PEX5: variants seen among roughly 807,000 people sequenced by gnomAD.
The protein encoded by PEX5 is PTS1 receptor.
In PEX5, 52 loss-of-function variants were observed where a neutral mutation model predicts 82.9. That is an observed-to-expected ratio of 0.63 (90% CI 0.50 to 0.79). PEX5 has a LOEUF of 0.79. Ranked by LOEUF, PEX5 falls within the 30% of genes least tolerant of loss-of-function variation. The pLI is 0.00. For missense variants in PEX5, 719 were observed against 815.2 expected (o/e 0.88, Z 1.44); for synonymous variants, 300 against 318.8 (o/e 0.94, Z 0.63).
Position 7,190,996 on chromosome 12 carries a change from C to G in PEX5, c.183+73C>G, listed in dbSNP as rs1254089890. The G allele has an allele frequency of 1.5e-5, 21 of 1,437,248 alleles. No individual in the cohort carries two copies. The South Asian group carries it at 1.5e-4, about 10-fold the overall frequency. 89.0% of individuals were successfully genotyped at this position (1,437,248 alleles called of 1,614,324 possible). A position where few individuals can be genotyped will look rare whatever the true frequency, so the allele number is the denominator to read the frequency against. ...TGTTTTTACCTTTAAACTTAGTTCA[C>G]CCGTATTTCAATTTTTGGGCTTTCC... On this transcript the variant is annotated intron_variant, in intron 3 of 15. Coordinates refer to ENST00000675855, the MANE Select transcript of PEX5 (RefSeq NM_001351132.2).
At chr12:7,193,891 G>A (rs1328497341) in intron 5 of PEX5, among the ~76,000 whole-genome samples, 3 of 152,172 alleles carry the variant, frequency 2.0e-5, no homozygotes, top group Non-Finnish European at 2.9e-5. Context: ...TTTTGGAATC[G>A]TGCCTGTTTC....
chr12:7,209,243 G>C (rs1193583812), intron 14 of PEX5, 73 bp downstream of exon 14: 1 of 1,465,894 alleles, frequency 6.8e-7, no homozygotes, highest in Non-Finnish European at 9.5e-7. Context: ...TGGGAAGCTG[G>C]GTTTGATGGT....
intron 1 of PEX5, 151 bp from the exon 2 acceptor site, chr12:7,190,211 G>A: frequency 6.4e-7 from 1 of 1,571,524 alleles, no homozygotes; most frequent in Non-Finnish European, 8.6e-7. Context: ...CGAACTCCTG[G>A]CAGAGGTGGG....
In PEX5 at chr12:7,189,838, C is replaced by A. The variant is rs537003772; in HGVS notation, c.-17+88C>A. 290 of 1,166,678 alleles carry A rather than the reference C, an allele frequency of 2.5e-4. 3 individuals are homozygous for A. The South Asian group carries it at 5.3e-3, about 21-fold the overall frequency. The allele number at this position is 1,166,678 out of a possible 1,614,324, so 72.3% of individuals were successfully genotyped here. ...GGCCTCGCGGGTCCCAGGGGCGGGG[C>A]TGGAGCGGCAGCAGGGCCGGGGAGA... On this transcript the variant is annotated intron_variant, in intron 1 of 15. Coordinates refer to ENST00000675855, the MANE Select transcript of PEX5 (RefSeq NM_001351132.2).
At chr12:7,191,045 G>C in intron 3 of PEX5, 122 bp downstream of exon 3, 2 of 1,171,242 alleles carry the variant, frequency 1.7e-6, no homozygotes, top group Non-Finnish European at 1.3e-6. Flanking sequence ...ATGCCTGCTT[G>C]TTTTTAAATG....
chr12:7,196,331 TTTATA>T, intron 5 of PEX5, among the ~76,000 whole-genome samples: 3 of 133,268 alleles, frequency 2.3e-5, no homozygotes, highest in South Asian at 2.4e-4. Flanking sequence ...TATGTCATAA[TTTATA>T]TATGTCATAT....
At chr12:7,217,469 C>T (rs1016821247) in intron 17 of PEX5, among the ~76,000 whole-genome samples, 3 of 152,214 alleles carry the variant, frequency 2.0e-5, no homozygotes, top group Non-Finnish European at 2.9e-5. Flanking sequence ...AGGAGAATTC[C>T]TCAGTAGGTG....
chr12:7,209,313 A>C, intron 14 of PEX5, 143 bp downstream of exon 14: 1 of 837,650 alleles, frequency 1.2e-6, no homozygotes, highest in Non-Finnish European at 2.0e-6. Flanking sequence ...TGAGCCTGGG[A>C]GTTCAAATCC....
At position 7,210,564 on chromosome 12, in the gene PEX5, C is replaced by G; in HGVS notation, c.*341C>G. 7.1e-6 allele frequency: 3 copies of G among 421,058 alleles called. No individual in the cohort carries two copies. The highest frequency in any genetic ancestry group is 1.3e-5 in the Non-Finnish European group (3 of 223,216). 26.1% of individuals were successfully genotyped at this position (421,058 alleles called of 1,614,324 possible). A position where few individuals can be genotyped will look rare whatever the true frequency, so the allele number is the denominator to read the frequency against. On this transcript the variant is annotated 3_prime_UTR_variant, in exon 16 of 16. Coordinates refer to ENST00000675855, the MANE Select transcript of PEX5 (RefSeq NM_001351132.2). ...CATCAGCTGCCATTTCTGATAGGGT[C>G]TACCACATCTGTAATGTCTGTCCTT...
At chr12:7,194,539 C>G (rs1320002796) in intron 5 of PEX5, among the ~76,000 whole-genome samples, 1 of 151,750 alleles carries the variant, frequency 6.6e-6, no homozygotes, top group African/African-American at 2.4e-5. Context: ...CCATCATGAT[C>G]AAGATACAGA....
chr12:7,198,798 C>A (rs1307993579), intron 5 of PEX5, among the ~76,000 whole-genome samples: 1 of 152,188 alleles, frequency 6.6e-6, no homozygotes, highest in African/African-American at 2.4e-5. Flanking sequence ...CAGTAAATTT[C>A]TGCCCCAGGC....
rs1442020873 is a variant in PEX5 at position 7,202,343 on chromosome 12, C to T, written c.745C>T (p.Gln249Ter). The change falls in exon 8 of 16, where the codon CAG becomes TAG. Residue 249 changes from glutamine to a stop codon, truncating the protein, a stop_gained. Transcript: ENST00000675855. LOFTEE classifies it high-confidence loss of function. ...AGAACAGTGGGCAGCAGAGTTTATA[C>T]AGCAGCAGGTAGGACATTGTCACTT... ...QAEQWAAEFI[Q>*]QQGTSDAWVD... 2 of 1,614,090 alleles carry T rather than the reference C, an allele frequency of 1.2e-6. No homozygotes were observed. Among genetic ancestry groups the T allele is most frequent in the Non-Finnish European group, 1.7e-6 (2 of 1,179,998 alleles).
upstream of PEX5, chr12:7,188,859 G>A (rs1324815861): frequency 2.6e-5 from 4 of 152,366 alleles, no homozygotes; most frequent in African/African-American, 9.6e-5. Flanking sequence ...TTTGACAGCA[G>A]AGCACACTCT....
chr12:7,190,816 T>G (rs1940940432), intron 2 of PEX5, 72 bp from the exon 3 acceptor site: 2 of 1,437,854 alleles, frequency 1.4e-6, no homozygotes, highest in Non-Finnish European at 9.8e-7. Flanking sequence ...GAGGCTCAGA[T>G]GCCTATGGGC....
At chr12:7,200,674 G>A (rs1297069381) in intron 6 of PEX5, among the ~76,000 whole-genome samples, 2 of 152,228 alleles carry the variant, frequency 1.3e-5, no homozygotes, top group South Asian at 4.2e-4. Flanking sequence ...GATCACTCGC[G>A]GTTAGGAGCT....
At chr12:7,207,910 G>T in intron 11 of PEX5, 100 bp from the exon 12 acceptor site, 1 of 1,525,336 alleles carries the variant, frequency 6.6e-7, no homozygotes, top group East Asian at 2.2e-5. Context: ...GATGGCCTAG[G>T]ATAGGGGCTT....
intron 6 of PEX5, 95 bp downstream of exon 6, chr12:7,199,208 T>TA: frequency 9.0e-6 from 5 of 552,816 alleles, no homozygotes; most frequent in Non-Finnish European, 1.5e-5. Context: ...CTTACTTTAT[T>TA]CTTTTTTTTT....
rs1466902104 is a variant in PEX5 at position 7,190,936 on chromosome 12, G to C, written c.183+13G>C. The C allele has an allele frequency of 6.2e-7, 1 of 1,610,358 alleles. No individual in the cohort carries two copies. The highest frequency in any genetic ancestry group is 1.3e-5 in the African/African-American group (1 of 74,800). On this transcript the variant is annotated intron_variant, in intron 3 of 15. Transcript: ENST00000675855. ...TTCTGAAGATGAGGTAAATAGACCA[G>C]TCTCTTTTCTGTCCCATTTTTCTCT...
intron 6 of PEX5, 30 bp downstream of exon 6, chr12:7,199,143 G>A (rs766085761): frequency 9.6e-6 from 12 of 1,253,836 alleles, no homozygotes; most frequent in East Asian, 5.0e-5. Flanking sequence ...TCCGAATCCC[G>A]TGAAAGGAGT....
Sources: gnomAD v4.1 joint callset for allele counts (sites outside exome capture counted in the v4.1 genomes callset) on GRCh38, gnomAD v4.1.1 for gene constraint, MANE v1.5 for transcripts, NCBI Gene and HGNC (gene_info 2026-07-23, HGNC 2026-07-21) for gene names.